FBN1: variants seen among roughly 807,000 people sequenced by gnomAD.
FBN1 encodes fibrillin-1.
In FBN1, 29 loss-of-function variants were observed where a neutral mutation model predicts 365.1. The ratio of observed to expected loss-of-function variants is 0.08; its 90% CI spans 0.06 to 0.11. FBN1 has a LOEUF of 0.11. Ranked by LOEUF, FBN1 falls within the 10% of genes least tolerant of loss-of-function variation. The pLI is 1.00. For synonymous variants in FBN1, 1,210 were observed against 1,270.5 expected, an observed-to-expected ratio of 0.95 and a Z score of 1.01; for missense variants, 2,476 against 3,703.2, an observed-to-expected ratio of 0.67 and a Z score of 8.60.
At chr15:48,441,887 G>A (rs1200476152) in intron 49 of FBN1, 41 bp from the exon 50 acceptor site, 1 of 1,608,724 alleles carries the variant, frequency 6.2e-7, no homozygotes, top group East Asian at 2.2e-5. Flanking sequence ...AAAACACGAT[G>A]GAGACATCAT....
intron 40 of FBN1, 144 bp from the exon 41 acceptor site, chr15:48,464,165 C>A (rs537396736): frequency 2.6e-6 from 2 of 771,098 alleles, no homozygotes; most frequent in Admixed American, 2.1e-5. Context: ...TTCATTCATC[C>A]GTGTCCTCTC....
At position 48,513,539 on chromosome 15, in the gene FBN1, A is replaced by G. The variant is rs761924614; in HGVS notation, c.1588+10T>C. 1.9e-6 allele frequency: 3 copies of G among 1,613,978 alleles called. No homozygotes were observed. Among genetic ancestry groups the G allele is most frequent in the Non-Finnish European group, 1.7e-6 (2 of 1,179,880 alleles). On this transcript the variant is annotated intron_variant, in intron 13 of 65. Transcript: ENST00000316623. ...TGTCCCACATTCCACGTCAGGAGCC[A>G]GGACCATACCTCGGCATTCTGTCCG...
At chr15:48,628,264 G>T (rs1316352187) in intron 2 of FBN1, among the ~76,000 whole-genome samples, 1 of 148,676 alleles carries the variant, frequency 6.7e-6, no homozygotes, top group Admixed American at 6.7e-5. Flanking sequence ...TCTTTCATTT[G>T]AATCACTAAG....
chr15:48,561,085 G>A (rs797018015), intron 6 of FBN1, among the ~76,000 whole-genome samples: 96 of 152,244 alleles, frequency 6.3e-4, no homozygotes, highest in African/African-American at 2.2e-3. Context: ...TTTGCCCAAG[G>A]TCACCCAAAA....
Position 48,456,696 on chromosome 15 carries a change from C to T in FBN1, c.5363G>A (p.Ser1788Asn), listed in dbSNP as rs1303042338. The T allele has an allele frequency of 1.9e-6, 3 of 1,613,972 alleles. No individual in the cohort carries two copies. The highest frequency in any genetic ancestry group is 2.5e-6 in the Non-Finnish European group (3 of 1,179,880). ...TCCCACTGGACATTCACATCGGAAG[C>T]TGCCAACCATGTTGATACACACTCC... ...ENGVCINMVGSFRCECPVGFF... is the reference protein window; with the variant it reads ...ENGVCINMVGNFRCECPVGFF... Residue 1788 changes from serine to asparagine, a missense_variant, in exon 44 of 66, where the codon AGC (serine) becomes AAC (asparagine). Physicochemically the swap from Ser to Asn is conservative, Grantham distance 46 (BLOSUM62 1). Coordinates refer to ENST00000316623, the MANE Select transcript of FBN1 (RefSeq NM_000138.5).
chr15:48,449,557 T>G (rs1040974991), intron 45 of FBN1, among the ~76,000 whole-genome samples: 4 of 152,200 alleles, frequency 2.6e-5, no homozygotes, highest in Non-Finnish European at 5.9e-5. Flanking sequence ...TAAATTATAT[T>G]TATCATCAAC....
Position 48,415,526 on chromosome 15 carries a change from C to T in FBN1, c.8051+10G>A. 6.3e-7 allele frequency: 1 copy of T among 1,588,922 alleles called. No individual in the cohort carries two copies. Among genetic ancestry groups the T allele is most frequent in the Non-Finnish European group, 8.6e-7 (1 of 1,157,082 alleles). ...AATCTCCAACCATGACCAGGAAGAG[C>T]ACTGCTTACCCTTGGCCTATGCGGA... On this transcript the variant is annotated intron_variant, in intron 64 of 65. Coordinates refer to ENST00000316623, the MANE Select transcript of FBN1 (RefSeq NM_000138.5).
At chr15:48,559,748 C>T (rs1048517269) in intron 6 of FBN1, among the ~76,000 whole-genome samples, 2 of 152,120 alleles carry the variant, frequency 1.3e-5, no homozygotes, top group Non-Finnish European at 2.9e-5. Flanking sequence ...GATGGCATAT[C>T]AGAAGATTAG....
intron 14 of FBN1, 120 bp downstream of exon 14, chr15:48,509,924 T>C (rs2043744552): frequency 1.8e-6 from 2 of 1,094,142 alleles, no homozygotes; most frequent in South Asian, 1.4e-5. Context: ...CCTTTTGAGA[T>C]AAAATATATA....
rs74011816 is a variant in FBN1 at position 48,473,821 on chromosome 15, T to A, written c.4210+434A>T. ...TGAGAAATAGGCAAAAAAAAAATAA[T>A]AATAAATAAAGGCTAGGCATATAAA... On this transcript the variant is annotated intron_variant, in intron 34 of 65. Coordinates refer to ENST00000316623, the MANE Select transcript of FBN1 (RefSeq NM_000138.5). 6.5e-3 allele frequency among the ~76,000 whole-genome samples: 982 copies of A among 151,090 alleles called. 10 individuals carry two copies. The highest frequency in any genetic ancestry group is 0.022 in the African/African-American group (916 of 40,740).
chr15:48,416,030 T>C (rs1157323063), intron 63 of FBN1, among the ~76,000 whole-genome samples: 1 of 152,166 alleles, frequency 6.6e-6, no homozygotes, highest in East Asian at 1.9e-4. Context: ...CATTAGAGGA[T>C]GGCATTCTGA....
chr15:48,503,903 T>C lies in FBN1; in HGVS notation c.1997A>G (p.Lys666Arg). ...CAAAGGTTTGATACACTGGCCTCTC[T>C]TGTATCCACCATAGCATGTGCTCCG... ...HMRSTCYGGY[K>R]RGQCIKPLFG... The change falls in exon 17 of 66, where the codon AAG becomes AGG. Residue 666 changes from lysine (K) to arginine (R), a missense_variant. Physicochemically the swap from Lys to Arg is conservative, Grantham distance 26 (BLOSUM62 2). Coordinates refer to ENST00000316623, the MANE Select transcript of FBN1 (RefSeq NM_000138.5). 4 of 1,614,206 alleles carry C rather than the reference T, an allele frequency of 2.5e-6. No individual in the cohort carries two copies. Among genetic ancestry groups the C allele is most frequent in the Non-Finnish European group, 3.4e-6 (4 of 1,180,034 alleles).
At chr15:48,504,894 T>C (rs2043695013) in intron 16 of FBN1, 131 bp downstream of exon 16, 2 of 1,183,824 alleles carry the variant, frequency 1.7e-6, no homozygotes, top group African/African-American at 1.5e-5. Context: ...GAACTGACCC[T>C]GTTGGTTTGT....
rs556183869 is a variant in FBN1 at position 48,446,324 on chromosome 15, T to C, written c.5788+382A>G. Among the ~76,000 whole-genome samples, 4 of 152,310 alleles carry C rather than the reference T, an allele frequency of 2.6e-5. No individual in the cohort carries two copies. The South Asian group carries it at 8.3e-4, about 32-fold the overall frequency. On this transcript the variant is annotated intron_variant, in intron 47 of 65. Transcript: ENST00000316623. ...GACAGTGCACAAGAAAGTACAGTCA[T>C]ATAACTTTTATTACAGTATACTGTT... is the stretch of plus-strand genomic sequence containing the variant.
At chr15:48,588,610 T>C (rs1207099727) in intron 6 of FBN1, among the ~76,000 whole-genome samples, 1 of 152,246 alleles carries the variant, frequency 6.6e-6, no homozygotes, top group Non-Finnish European at 1.5e-5. Flanking sequence ...AGAATCAAAA[T>C]TTCAATTGAA....
Position 48,437,097 on chromosome 15 carries a change from A to G in FBN1, c.6380-20T>C, listed in dbSNP as rs772750580. 4.0e-6 allele frequency: 6 copies of G among 1,502,200 alleles called. No homozygotes were observed. The highest frequency in any genetic ancestry group is 2.3e-5 in the East Asian group (1 of 44,376). 93.1% of individuals were successfully genotyped at this position (1,502,200 alleles called of 1,614,324 possible). ...CCATATCTTAAGCAAGAGAAAAAAA[A>G]TAGTGAATAACAAGGTATTTTTTAA... On this transcript the variant is annotated intron_variant, in intron 52 of 65. Coordinates refer to ENST00000316623, the MANE Select transcript of FBN1 (RefSeq NM_000138.5).
intron 44 of FBN1, 108 bp from the exon 45 acceptor site, chr15:48,452,792 G>C: frequency 7.7e-7 from 1 of 1,303,160 alleles, no homozygotes; most frequent in East Asian, 2.4e-5. Context: ...CTGTTCTATT[G>C]AAAAGACAAC....
intron 49 of FBN1, among the ~76,000 whole-genome samples, chr15:48,442,277 T>C (rs759113143): frequency 1.3e-5 from 2 of 152,126 alleles, no homozygotes; most frequent in African/African-American, 4.8e-5. Flanking sequence ...AGGCCTTTGA[T>C]CCAAATTTAC....
At chr15:48,552,581 T>C (rs1376486947) in intron 6 of FBN1, among the ~76,000 whole-genome samples, 2 of 152,102 alleles carry the variant, frequency 1.3e-5, no homozygotes, top group African/African-American at 4.8e-5. Flanking sequence ...GATGACATTT[T>C]TGAGCAGTGG....
Sources: gnomAD v4.1 joint callset for allele counts (sites outside exome capture counted in the v4.1 genomes callset) on GRCh38, gnomAD v4.1.1 for gene constraint, MANE v1.5 for transcripts, NCBI Gene and HGNC (gene_info 2026-07-23, HGNC 2026-07-21) for gene names.